ERLEC1: variants seen among roughly 807,000 people sequenced by gnomAD.
The protein encoded by ERLEC1 is endoplasmic reticulum lectin 1.
In ERLEC1, 47 loss-of-function variants were observed where a neutral mutation model predicts 68.0. The ratio of observed to expected loss-of-function variants is 0.69; its 90% CI spans 0.55 to 0.88. ERLEC1 has a LOEUF of 0.88. Ranked by LOEUF, ERLEC1 falls within the 40% of genes least tolerant of loss-of-function variation. ERLEC1 has a pLI of 0.00. For synonymous variants in ERLEC1, 225 were observed against 203.2 expected, an observed-to-expected ratio of 1.11 and a Z score of -0.91; for missense variants, 567 against 583.8, an observed-to-expected ratio of 0.97 and a Z score of 0.30.
intron 8 of ERLEC1, among the ~76,000 whole-genome samples, chr2:53,805,607 A>C (rs1446666174): frequency 6.6e-6 from 1 of 152,108 alleles, no homozygotes; most frequent in African/African-American, 2.4e-5. Flanking sequence ...TGCAACAAAC[A>C]TGGAAGTGCA....
At chr2:53,798,999 C>T in intron 5 of ERLEC1, 48 bp from the exon 6 acceptor site, 6 of 1,565,058 alleles carry the variant, frequency 3.8e-6, no homozygotes, top group Non-Finnish European at 5.3e-6. Flanking sequence ...CTCATTTGTA[C>T]CACATATGTC....
intron 8 of ERLEC1, among the ~76,000 whole-genome samples, chr2:53,806,643 G>A (rs1408163668): frequency 2.0e-5 from 3 of 152,132 alleles, no homozygotes; most frequent in Non-Finnish European, 2.9e-5. Context: ...GAGAGAATAA[G>A]GTCATTGCTT....
intron 1 of ERLEC1, among the ~76,000 whole-genome samples, chr2:53,791,597 C>T (rs1343259719): frequency 6.6e-6 from 1 of 152,080 alleles, no homozygotes; most frequent in East Asian, 1.9e-4. Context: ...ACTATTTCAG[C>T]AGAGTTTTCA....
At chr2:53,802,301 C>A (rs1676048192) in intron 8 of ERLEC1, among the ~76,000 whole-genome samples, 1 of 152,174 alleles carries the variant, frequency 6.6e-6, no homozygotes, top group South Asian at 2.1e-4. Flanking sequence ...TCACACTCAT[C>A]ATTTTTTTCT....
At chr2:53,796,504 G>T (rs1675710083) in intron 3 of ERLEC1, among the ~76,000 whole-genome samples, 1 of 151,530 alleles carries the variant, frequency 6.6e-6, no homozygotes, top group Non-Finnish European at 1.5e-5. Context: ...CTGTCACCCA[G>T]GCTAGAGTAT....
chr2:53,791,080 G>T (rs766601993), intron 1 of ERLEC1, among the ~76,000 whole-genome samples: 4 of 152,148 alleles, frequency 2.6e-5, no homozygotes, highest in African/African-American at 7.2e-5. Flanking sequence ...ACATTGACAG[G>T]TTCTACCAAC....
At chr2:53,808,950 A>G (rs1195535830) in intron 9 of ERLEC1, among the ~76,000 whole-genome samples, 3 of 152,186 alleles carry the variant, frequency 2.0e-5, no homozygotes, top group Non-Finnish European at 4.4e-5. Context: ...TTACAAAGTT[A>G]AAAATTTTGA....
rs1438192984 is a variant in ERLEC1, at chr2:53,787,050, G to A, written c.-161G>A. The A allele has an allele frequency of 3.1e-6, 3 of 971,922 alleles. No individual in the cohort carries two copies. The highest frequency in any genetic ancestry group is 5.7e-5 in the East Asian group (2 of 35,176). 60.2% of individuals were successfully genotyped at this position (971,922 alleles called of 1,614,324 possible). A position where few individuals can be genotyped will look rare whatever the true frequency, so the allele number is the denominator to read the frequency against. ...ACAGGAGGCTCAAGGGGGCGGAGGCGGCGTTGCCGGGCTCTCCGGAAGGAG... is the reference window on the plus strand; with the variant it reads ...ACAGGAGGCTCAAGGGGGCGGAGGCAGCGTTGCCGGGCTCTCCGGAAGGAG... On this transcript the variant is annotated 5_prime_UTR_variant, in exon 1 of 14. Transcript: ENST00000185150.
intron 1 of ERLEC1, among the ~76,000 whole-genome samples, chr2:53,790,483 G>A (rs1675332483): frequency 6.6e-6 from 1 of 152,190 alleles, no homozygotes; most frequent in South Asian, 2.1e-4. Flanking sequence ...GAAATTGGAA[G>A]AGACTGGATT....
chr2:53,816,627 T>C (rs1009544400), intron 13 of ERLEC1, among the ~76,000 whole-genome samples: 2 of 152,176 alleles, frequency 1.3e-5, no homozygotes, highest in Non-Finnish European at 1.5e-5. Flanking sequence ...TGAAATTCAA[T>C]TTATCATTTA....
intron 3 of ERLEC1, among the ~76,000 whole-genome samples, chr2:53,796,528 C>T (rs560635088): frequency 2.6e-5 from 4 of 151,932 alleles, no homozygotes; most frequent in Middle Eastern, 3.4e-3. Context: ...GGCATGATCA[C>T]GATTCACTGC....
At chr2:53,790,441 A>G (rs897061085) in intron 1 of ERLEC1, among the ~76,000 whole-genome samples, 3 of 151,988 alleles carry the variant, frequency 2.0e-5, no homozygotes, top group African/African-American at 7.3e-5. Flanking sequence ...GCTGTATGAA[A>G]TAGGATAAGG....
intron 8 of ERLEC1, among the ~76,000 whole-genome samples, chr2:53,802,911 G>A (rs1558599208): frequency 6.6e-6 from 1 of 152,042 alleles, no homozygotes. Context: ...TTGACCTTCA[G>A]TATATTGTTT....
intron 10 of ERLEC1, 107 bp from the exon 11 acceptor site, chr2:53,812,842 T>G: frequency 1.8e-6 from 2 of 1,102,330 alleles, no homozygotes; most frequent in African/African-American, 1.6e-5. Context: ...AATATAGATA[T>G]CCACTGTGCA....
chr2:53,801,365 G>A (rs1675993656), intron 6 of ERLEC1, 32 bp from the exon 7 acceptor site: 2 of 1,568,148 alleles, frequency 1.3e-6, no homozygotes, highest in African/African-American at 1.4e-5. Flanking sequence ...CATGTCTAAT[G>A]AAAAGTCTGT....
At chr2:53,794,755 A>G (rs1396974910) in intron 2 of ERLEC1, among the ~76,000 whole-genome samples, 4 of 152,154 alleles carry the variant, frequency 2.6e-5, no homozygotes, top group Non-Finnish European at 5.9e-5. Context: ...CCCGGGTTCA[A>G]GAAATTCTCC....
In ERLEC1 at chr2:53,787,984, C is replaced by T. The variant is rs559859636; in HGVS notation, c.162+612C>T. ...GTATTACGACTGTTATTTGAGTCCC[C>T]AGAACATGAGCTTCTATGTTGAGTT... On this transcript the variant is annotated intron_variant, in intron 1 of 13. Transcript: ENST00000185150. Among the ~76,000 whole-genome samples the T allele has an allele frequency of 3.3e-5, 5 of 152,166 alleles. No homozygotes were observed. In the South Asian group the frequency reaches 1.0e-3, roughly 32 times the overall value.
chr2:53,812,713 AACT>A (rs1676655406), intron 10 of ERLEC1, among the ~76,000 whole-genome samples: 1 of 152,202 alleles, frequency 6.6e-6, no homozygotes, highest in Non-Finnish European at 1.5e-5. Context: ...AGCCGAAAAT[AACT>A]ACATTTAGAG....
intron 1 of ERLEC1, among the ~76,000 whole-genome samples, chr2:53,792,625 C>G (rs928303894): frequency 2.6e-5 from 4 of 152,052 alleles, no homozygotes; most frequent in Non-Finnish European, 4.4e-5. Context: ...CTAGTACTTA[C>G]TGCTTTGTTT....
Sources: allele counts gnomAD v4.1 joint callset (sites outside exome capture counted in the v4.1 genomes callset), GRCh38; gene constraint gnomAD v4.1.1; transcripts MANE v1.5; gene names NCBI Gene and HGNC (gene_info 2026-07-23, HGNC 2026-07-21).